The following ZCRB1 variants were observed in gnomAD, a reference collection of about 807,000 sequenced individuals.
The protein encoded by ZCRB1 is zinc finger CCHC-type and RNA binding motif containing 1, also known as zinc finger CCHC-type and RNA-binding motif-containing protein 1.
Under a neutral mutation model 29.9 loss-of-function variants are expected in ZCRB1, and 21 were observed. The ratio of observed to expected loss-of-function variants is 0.70; its 90% CI spans 0.50 to 1.01. The LOEUF (loss-of-function observed/expected upper bound fraction) is 1.01. Ranked by LOEUF, ZCRB1 falls within the 50% of genes least tolerant of loss-of-function variation. The pLI is 0.00. For missense variants in ZCRB1, 204 were observed against 253.3 expected, an observed-to-expected ratio of 0.81 and a Z score of 1.32; for synonymous variants, 77 against 80.0, an observed-to-expected ratio of 0.96 and a Z score of 0.20.
chr12:42,316,268 T>G (rs1453296142), intron 5 of ZCRB1, among the ~76,000 whole-genome samples: 1 of 151,984 alleles, frequency 6.6e-6, no homozygotes, highest in Non-Finnish European at 1.5e-5. Flanking sequence ...CTAATTTTTT[T>G]TTTGTATTTT....
At chr12:42,324,474 A>C (rs1449391361) in intron 1 of ZCRB1, among the ~76,000 whole-genome samples, 3 of 152,224 alleles carry the variant, frequency 2.0e-5, no homozygotes, top group Non-Finnish European at 4.4e-5. Context: ...AATTCCAAAT[A>C]AAACCAATAC....
intron 5 of ZCRB1, among the ~76,000 whole-genome samples, chr12:42,315,417 TAGGAC>T (rs2068590124): frequency 6.6e-6 from 1 of 152,172 alleles, no homozygotes. Context: ...TTTGTATACC[TAGGAC>T]ATAGCCCAAC....
intron 2 of ZCRB1, 41 bp from the exon 3 acceptor site, chr12:42,322,487 C>A (rs756740214): frequency 7.0e-7 from 1 of 1,437,790 alleles, no homozygotes; most frequent in Admixed American, 2.5e-5. Flanking sequence ...ATTTTAAAAT[C>A]ATAAAACATC....
intron 5 of ZCRB1, among the ~76,000 whole-genome samples, chr12:42,315,258 C>G (rs1273686814): frequency 6.6e-6 from 1 of 152,290 alleles, no homozygotes; most frequent in African/African-American, 2.4e-5. Flanking sequence ...CATAAGAGCT[C>G]AACTATAATC....
chr12:42,318,146 T>C (rs1448583683), intron 3 of ZCRB1, among the ~76,000 whole-genome samples: 1 of 152,116 alleles, frequency 6.6e-6, no homozygotes, highest in Non-Finnish European at 1.5e-5. Flanking sequence ...GTAAAGAAAT[T>C]ACAGAGACAA....
chr12:42,315,747 C>T (rs948991796), intron 5 of ZCRB1, among the ~76,000 whole-genome samples: 2 of 152,122 alleles, frequency 1.3e-5, no homozygotes, highest in Non-Finnish European at 1.5e-5. Context: ...ATATACTAAT[C>T]TGAATATAAC....
Position 42,313,030 on chromosome 12 carries a change from C to G in ZCRB1, c.*37G>C. 1 of 1,495,584 alleles carries G rather than the reference C, an allele frequency of 6.7e-7. No homozygotes were observed. The highest frequency in any genetic ancestry group is 8.9e-7 in the Non-Finnish European group (1 of 1,122,240). 92.6% of individuals were successfully genotyped at this position (1,495,584 alleles called of 1,614,324 possible). A position where few individuals can be genotyped will look rare whatever the true frequency, so the allele number is the denominator to read the frequency against. ...ATTAGCTCTTCAAGATTGTTACTAA[C>G]AAATCTTGATTTTTATTACTGTGCT... On this transcript the variant is annotated 3_prime_UTR_variant, in exon 8 of 8. Transcript: ENST00000266529.
chr12:42,313,318 GC>G (rs1748437233), intron 7 of ZCRB1, 120 bp from the exon 8 acceptor site: 1 of 1,094,460 alleles, frequency 9.1e-7, no homozygotes, highest in African/African-American at 1.6e-5. Flanking sequence ...CCCAGTCCAT[GC>G]AGACAATAAG....
At chr12:42,313,567 C>G (rs2068579459) in intron 7 of ZCRB1, 123 bp downstream of exon 7, 1 of 1,029,202 alleles carries the variant, frequency 9.7e-7, no homozygotes, top group Non-Finnish European at 1.4e-6. Flanking sequence ...AACAGCTTGT[C>G]TCCTAAGGCT....
rs1359236367 is a variant in ZCRB1 at position 42,313,167 on chromosome 12, C to G, written c.554G>C (p.Trp185Ser). The G allele has an allele frequency of 1.2e-6, 2 of 1,611,008 alleles. No individual in the cohort carries two copies. The highest frequency in any genetic ancestry group is 1.7e-6 in the Non-Finnish European group (2 of 1,178,734). Residue 185 changes from tryptophan (W) to serine (S), a missense_variant, in exon 8 of 8, where the codon TGG (tryptophan) becomes TCG (serine). Transcript: ENST00000266529. The stretch of plus-strand genomic sequence containing the variant: ...TGAGGGGACTCCTGAACTGGGTTTC[C>G]ATTTTTTTTGTTCTTCTTCAATTTT... ...QAKIEEEQKK[W>S]KPSSGVPSTS...
chr12:42,314,112 T>C (rs953572835), intron 5 of ZCRB1, 126 bp from the exon 6 acceptor site: 19 of 854,810 alleles, frequency 2.2e-5, no homozygotes, highest in African/African-American at 1.6e-4. Context: ...ACTGGGACTA[T>C]ACAGAAGACA....
chr12:42,323,437 T>G (rs955529778), intron 2 of ZCRB1, among the ~76,000 whole-genome samples: 2 of 129,910 alleles, frequency 1.5e-5, no homozygotes, highest in African/African-American at 5.2e-5. Flanking sequence ...TTTCAGGTCT[T>G]TATTCAAAAG....
chr12:42,321,416 T>C (rs183504801), intron 3 of ZCRB1, among the ~76,000 whole-genome samples: 5 of 152,312 alleles, frequency 3.3e-5, no homozygotes, highest in African/African-American at 4.8e-5. Flanking sequence ...GAGATGATAA[T>C]AGTACCTACC....
chr12:42,320,256 C>T (rs544643335), intron 3 of ZCRB1, among the ~76,000 whole-genome samples: 156 of 152,262 alleles, frequency 1.0e-3, no homozygotes, highest in South Asian at 8.1e-3. Flanking sequence ...GCAAAGTAAG[C>T]ATATCACTAA....
At chr12:42,323,852 G>A in intron 2 of ZCRB1, 167 bp downstream of exon 2, 1 of 615,208 alleles carries the variant, frequency 1.6e-6, no homozygotes, top group South Asian at 2.0e-5. Context: ...GGAGGCTGCA[G>A]TGAGCCATGA....
chr12:42,321,723 C>A (rs1390447977), intron 3 of ZCRB1, among the ~76,000 whole-genome samples: 2 of 152,112 alleles, frequency 1.3e-5, no homozygotes, highest in Non-Finnish European at 2.9e-5. Context: ...TAAATATGCT[C>A]AAAATTCTTG....
intron 5 of ZCRB1, among the ~76,000 whole-genome samples, chr12:42,314,210 A>T (rs2068583406): frequency 6.6e-6 from 1 of 152,004 alleles, no homozygotes; most frequent in African/African-American, 2.4e-5. Context: ...TAGTAGTTTT[A>T]CTAAGAGTAG....
At chr12:42,318,715 C>T (rs1392997100) in intron 3 of ZCRB1, among the ~76,000 whole-genome samples, 1 of 152,046 alleles carries the variant, frequency 6.6e-6, no homozygotes, top group Non-Finnish European at 1.5e-5. Flanking sequence ...CTTGGAACAT[C>T]TTATGCCAGA....
intron 7 of ZCRB1, 150 bp from the exon 8 acceptor site, chr12:42,313,348 AG>A (rs2137526681): frequency 1.2e-6 from 1 of 858,754 alleles, no homozygotes; most frequent in East Asian, 2.8e-5. Flanking sequence ...CCTTCCCCTG[AG>A]TTCTGTCTCA....
Sources: allele counts gnomAD v4.1 joint callset (sites outside exome capture counted in the v4.1 genomes callset), GRCh38; gene constraint gnomAD v4.1.1; transcripts MANE v1.5; gene names NCBI Gene and HGNC (gene_info 2026-07-23, HGNC 2026-07-21).